Variants in SH3RF3 observed in about 807,000 individuals in gnomAD.
The protein encoded by SH3RF3 is E3 ubiquitin-protein ligase SH3RF3.
A neutral mutation model predicts 66.3 loss-of-function variants in SH3RF3; 29 were observed. The ratio of observed to expected loss-of-function variants is 0.44; its 90% confidence interval spans 0.33 to 0.60. The LOEUF is 0.60. SH3RF3 is among the 20% of genes least tolerant of loss of function. The pLI is 0.04. For synonymous variants in SH3RF3, 583 were observed against 532.0 expected (o/e 1.10, Z -1.32); for missense variants, 1,194 against 1,190.9 (o/e 1.00, Z -0.04).
chr2:109,423,378 C>T (rs547838098), intron 5 of SH3RF3, among the ~76,000 whole-genome samples: 1 of 152,246 alleles, frequency 6.6e-6, no homozygotes, highest in African/African-American at 2.4e-5. Context: ...GGAGTGACCC[C>T]CTCATGACCC....
chr2:109,210,273 C>T (rs1419428178), intron 1 of SH3RF3, among the ~76,000 whole-genome samples: 28 of 152,214 alleles, frequency 1.8e-4, no homozygotes, highest in Admixed American at 1.8e-3. Flanking sequence ...TGTAGGTGTA[C>T]AAACATCTGT....
chr2:109,342,301 G>A (rs1334380564), intron 1 of SH3RF3, among the ~76,000 whole-genome samples: 1 of 152,198 alleles, frequency 6.6e-6, no homozygotes, highest in Admixed American at 6.5e-5. Flanking sequence ...GGGCCAAATA[G>A]AGGCTGTGAG....
At chr2:109,344,183 G>C (rs1409748612) in intron 1 of SH3RF3, among the ~76,000 whole-genome samples, 1 of 152,222 alleles carries the variant, frequency 6.6e-6, no homozygotes, top group African/African-American at 2.4e-5. Flanking sequence ...GGGGTCATCA[G>C]AGTGAACAGC....
At chr2:109,225,561 A>T (rs1679355741) in intron 1 of SH3RF3, among the ~76,000 whole-genome samples, 1 of 152,198 alleles carries the variant, frequency 6.6e-6, no homozygotes, top group African/African-American at 2.4e-5. Flanking sequence ...CCAGGGAATG[A>T]TTTTTAATGT....
chr2:109,490,922 G>A lies in SH3RF3; in HGVS notation c.2466G>A (p.Leu822=), dbSNP rs912595168. ...CTGCCATCCGCCCCGAGCCCAAGCT[G>A]TTGCCCAGAGAGAGGTAAGTGCAGG... ...SMAAIRPEPK[L]LPRERYRVVV... Residue 822 remains leucine (L), a synonymous_variant, in exon 9 of 10, where the codon CTG becomes CTA. Coordinates refer to ENST00000309415, the MANE Select transcript of SH3RF3 (RefSeq NM_001099289.3). The A allele has an allele frequency of 2.7e-6, 4 of 1,500,486 alleles. No homozygotes were observed. The highest frequency in any genetic ancestry group is 2.5e-5 in the East Asian group (1 of 40,298). The allele number at this position is 1,500,486 out of a possible 1,614,324, so 92.9% of individuals were successfully genotyped here. A position where few individuals can be genotyped will look rare whatever the true frequency, so the allele number is the denominator to read the frequency against.
At position 109,376,522 on chromosome 2, in the gene SH3RF3, C is replaced by T. The variant is rs79671584; in HGVS notation, c.945+4841C>T. On this transcript the variant is annotated intron_variant, in intron 3 of 9. Coordinates refer to ENST00000309415, the MANE Select transcript of SH3RF3 (RefSeq NM_001099289.3). ...GAAAACCTCTCCATGGGGCCAGGAT[C>T]GTGATCCAAAAATAGTTCAAAAAAA... Among the ~76,000 whole-genome samples, 1,004 of 152,260 alleles carry T rather than the reference C, an allele frequency of 6.6e-3. 4 individuals carry two copies. Among genetic ancestry groups the T allele is most frequent in the Non-Finnish European group, 0.011 (728 of 68,022 alleles).
intron 1 of SH3RF3, among the ~76,000 whole-genome samples, chr2:109,136,288 G>T (rs893606733): frequency 6.6e-6 from 1 of 152,058 alleles, no homozygotes; most frequent in Non-Finnish European, 1.5e-5. Flanking sequence ...AGCACCACTT[G>T]AAGAGGCCAA....
chr2:109,328,021 C>A (rs1268900043), intron 1 of SH3RF3, among the ~76,000 whole-genome samples: 1 of 152,200 alleles, frequency 6.6e-6, no homozygotes, highest in Non-Finnish European at 1.5e-5. Context: ...ATATGTCCCT[C>A]CACTTTTTTT....
At chr2:109,363,638 G>T (rs1270989934) in intron 2 of SH3RF3, among the ~76,000 whole-genome samples, 1 of 152,068 alleles carries the variant, frequency 6.6e-6, no homozygotes, top group African/African-American at 2.4e-5. Flanking sequence ...AACAGTTCTT[G>T]CAAGGCACAT....
At chr2:109,161,803 A>G (rs1187928819) in intron 1 of SH3RF3, among the ~76,000 whole-genome samples, 1 of 151,876 alleles carries the variant, frequency 6.6e-6, no homozygotes, top group Non-Finnish European at 1.5e-5. Context: ...GAGGGCATTA[A>G]TCTATTCATA....
At chr2:109,203,033 C>T (rs917853597) in intron 1 of SH3RF3, among the ~76,000 whole-genome samples, 1 of 152,166 alleles carries the variant, frequency 6.6e-6, no homozygotes, top group Non-Finnish European at 1.5e-5. Flanking sequence ...GGCCATGGTC[C>T]TACAGTGATT....
At chr2:109,451,427 G>A (rs1677863868) in intron 8 of SH3RF3, among the ~76,000 whole-genome samples, 1 of 152,190 alleles carries the variant, frequency 6.6e-6, no homozygotes, top group Non-Finnish European at 1.5e-5. Flanking sequence ...GGCTGTAATA[G>A]TTCCTTAAGC....
chr2:109,295,350 T>G (rs1332944963), intron 1 of SH3RF3, among the ~76,000 whole-genome samples: 2 of 152,242 alleles, frequency 1.3e-5, no homozygotes, highest in Admixed American at 1.3e-4. Flanking sequence ...ATTGCTCAAG[T>G]CACACAGCTG....
chr2:109,212,389 A>G (rs1484245528), intron 1 of SH3RF3, among the ~76,000 whole-genome samples: 1 of 152,234 alleles, frequency 6.6e-6, no homozygotes, highest in Non-Finnish European at 1.5e-5. Context: ...GTGACTATAA[A>G]TCCCAACTTG....
intron 7 of SH3RF3, among the ~76,000 whole-genome samples, chr2:109,441,837 A>G (rs1433304866): frequency 6.6e-6 from 1 of 152,224 alleles, no homozygotes; most frequent in Non-Finnish European, 1.5e-5. Flanking sequence ...AGAAAAAAAG[A>G]TAAGGGTAAG....
chr2:109,245,716 T>G (rs1480462542), intron 1 of SH3RF3, among the ~76,000 whole-genome samples: 1 of 152,238 alleles, frequency 6.6e-6, no homozygotes, highest in African/African-American at 2.4e-5. Context: ...AATAAATATC[T>G]TAACAAATTC....
At chr2:109,448,079 G>A (rs1427801997) in intron 7 of SH3RF3, among the ~76,000 whole-genome samples, 1 of 152,110 alleles carries the variant, frequency 6.6e-6, no homozygotes, top group Non-Finnish European at 1.5e-5. Flanking sequence ...CCTCACTCTT[G>A]CTGAGTGACA....
At chr2:109,457,471 T>G (rs1294960096) in intron 8 of SH3RF3, among the ~76,000 whole-genome samples, 2 of 152,264 alleles carry the variant, frequency 1.3e-5, no homozygotes, top group African/African-American at 4.8e-5. Flanking sequence ...GTAATAGTTG[T>G]GAGGGTTCTG....
chr2:109,496,057 T>G (rs550907816), intron 9 of SH3RF3, among the ~76,000 whole-genome samples: 1 of 152,300 alleles, frequency 6.6e-6, no homozygotes, highest in Non-Finnish European at 1.5e-5. Flanking sequence ...ACCCACCGGG[T>G]TGCCCTGGGG....
Sources: gnomAD v4.1 joint callset for allele counts (sites outside exome capture counted in the v4.1 genomes callset) on GRCh38, gnomAD v4.1.1 for gene constraint, MANE v1.5 for transcripts, NCBI Gene and HGNC (gene_info 2026-07-23, HGNC 2026-07-21) for gene names.